UBE2E3: variants seen among roughly 807,000 people sequenced by gnomAD.
UBE2E3 encodes the protein ubiquitin conjugating enzyme E2 E3, also known as ubiquitin-conjugating enzyme E2 E3.
In UBE2E3, 5 loss-of-function variants were observed where a neutral mutation model predicts 23.6. That is an observed-to-expected ratio of 0.21 (90% CI 0.11 to 0.44). The LOEUF (loss-of-function observed/expected upper bound fraction) is 0.44, where lower values mean the gene tolerates loss of function less well. Among genes scored for constraint, UBE2E3 ranks in the 20% least tolerant of loss-of-function variants. The probability of loss-of-function intolerance (pLI) is 0.99; values close to 1 mark genes in which losing one functional copy is unlikely to be tolerated. For missense variants in UBE2E3, 81 were observed against 249.8 expected (o/e 0.32, Z 4.55); for synonymous variants, 78 against 87.5 (o/e 0.89, Z 0.60).
chr2:181,061,610 G>A (rs553455408), intron 5 of UBE2E3, among the ~76,000 whole-genome samples: 1 of 151,550 alleles, frequency 6.6e-6, no homozygotes, highest in African/African-American at 2.4e-5. Flanking sequence ...TAGCCAATGA[G>A]AATTGAACTA....
intron 3 of UBE2E3, among the ~76,000 whole-genome samples, chr2:180,985,227 A>G (rs1178857163): frequency 1.3e-5 from 2 of 152,184 alleles, no homozygotes; most frequent in African/African-American, 2.4e-5. Flanking sequence ...AACTAATTTT[A>G]AGGAGATGGT....
intron 3 of UBE2E3, among the ~76,000 whole-genome samples, chr2:181,010,571 A>G (rs1685293736): frequency 6.6e-6 from 1 of 152,222 alleles, no homozygotes; most frequent in Non-Finnish European, 1.5e-5. Flanking sequence ...TGTAAGAAAG[A>G]TGATCTGAGT....
At chr2:181,042,425 G>T (rs1686543220) in intron 3 of UBE2E3, among the ~76,000 whole-genome samples, 1 of 152,218 alleles carries the variant, frequency 6.6e-6, no homozygotes, top group South Asian at 2.1e-4. Flanking sequence ...AGTTCAAAAA[G>T]AGGGAGAAGT....
At chr2:180,997,023 TTTA>T (rs1356438558) in intron 3 of UBE2E3, among the ~76,000 whole-genome samples, 18 of 152,228 alleles carry the variant, frequency 1.2e-4, no homozygotes, top group African/African-American at 4.1e-4. Context: ...CTTTGATCTT[TTTA>T]TTATTAATGA....
At position 181,005,582 on chromosome 2, in the gene UBE2E3, A is replaced by G. The variant is rs111300220; in HGVS notation, c.245+21489A>G. On this transcript the variant is annotated intron_variant, in intron 3 of 5. Coordinates refer to ENST00000410062, the MANE Select transcript of UBE2E3 (RefSeq NM_006357.4). Reference sequence around the variant, plus strand: ...CATTATCTATTTCTCCATAGTCCTTACCTCTTCCTATTATGATGGTTCACT... The same window carrying G: ...CATTATCTATTTCTCCATAGTCCTTGCCTCTTCCTATTATGATGGTTCACT... 4.1e-3 allele frequency among the ~76,000 whole-genome samples: 631 copies of G among 152,164 alleles called. 3 individuals are homozygous for G. The highest frequency in any genetic ancestry group is 6.8e-3 in the Middle Eastern group (2 of 294).
chr2:181,060,695 A>G lies in UBE2E3; in HGVS notation c.409A>G (p.Asn137Asp). Residue 137 changes from asparagine (N) to aspartate (D), a missense_variant, in exon 5 of 6, where the codon AAC (asparagine) becomes GAC (aspartate). By Grantham distance (23) the Asn-to-Asp change is conservative. Coordinates refer to ENST00000410062, the MANE Select transcript of UBE2E3 (RefSeq NM_006357.4). ...TTTCCGCACCAGAATCTATCACTGC[A>G]ACATCAACAGTCAGGGAGTCATCTG... is the stretch of plus-strand genomic sequence containing the variant. ...VTFRTRIYHC[N>D]INSQGVICLD... is the part of the protein sequence containing the mutation. 6.2e-7 allele frequency: 1 copy of G among 1,609,162 alleles called. No individual in the cohort carries two copies.
At chr2:181,052,303 T>C (rs1249649440) in intron 3 of UBE2E3, among the ~76,000 whole-genome samples, 1 of 151,882 alleles carries the variant, frequency 6.6e-6, no homozygotes, top group Non-Finnish European at 1.5e-5. Flanking sequence ...CGTAGGTTCT[T>C]GAAGTTTCTG....
intron 3 of UBE2E3, among the ~76,000 whole-genome samples, chr2:181,017,561 C>T (rs765889986): frequency 3.3e-5 from 5 of 151,674 alleles, no homozygotes; most frequent in East Asian, 1.9e-4. Flanking sequence ...CATGGAAATG[C>T]GGTAATATGC....
chr2:181,013,071 C>G (rs1166074603), intron 3 of UBE2E3, among the ~76,000 whole-genome samples: 2 of 152,116 alleles, frequency 1.3e-5, no homozygotes, highest in African/African-American at 4.8e-5. Context: ...AAGTAATCCT[C>G]CCACCTCAGC....
intron 3 of UBE2E3, among the ~76,000 whole-genome samples, chr2:181,035,143 A>G (rs1271734536): frequency 6.6e-6 from 1 of 152,164 alleles, no homozygotes. Context: ...CAGCAAAATA[A>G]CTGTTTTGTT....
chr2:181,055,630 G>T (rs1686967511), intron 3 of UBE2E3, among the ~76,000 whole-genome samples: 1 of 151,748 alleles, frequency 6.6e-6, no homozygotes, highest in Non-Finnish European at 1.5e-5. Context: ...TCTCTGCTTA[G>T]TCTACTCCAA....
At chr2:181,058,506 A>G (rs966805976) in intron 4 of UBE2E3, among the ~76,000 whole-genome samples, 11 of 151,722 alleles carry the variant, frequency 7.3e-5, no homozygotes, top group East Asian at 5.8e-4. Flanking sequence ...TGTTTCTACA[A>G]TGGTCAAGTC....
At chr2:181,038,256 G>T (rs1329721565) in intron 3 of UBE2E3, among the ~76,000 whole-genome samples, 1 of 152,074 alleles carries the variant, frequency 6.6e-6, no homozygotes, top group Admixed American at 6.5e-5. Flanking sequence ...TTTTACAGTT[G>T]CCTACAGTAT....
chr2:181,053,462 ATTAC>A (rs574102707), intron 3 of UBE2E3, among the ~76,000 whole-genome samples: 1 of 151,866 alleles, frequency 6.6e-6, no homozygotes, highest in Non-Finnish European at 1.5e-5. Flanking sequence ...TTTATAAACC[ATTAC>A]TTACAGAAAC....
At chr2:181,009,577 A>G (rs900747500) in intron 3 of UBE2E3, among the ~76,000 whole-genome samples, 3 of 151,684 alleles carry the variant, frequency 2.0e-5, no homozygotes, top group Non-Finnish European at 2.9e-5. Context: ...ATGGTTCTCT[A>G]TATAGTTCTT....
chr2:180,994,543 G>T (rs951593503), intron 3 of UBE2E3, among the ~76,000 whole-genome samples: 1 of 152,072 alleles, frequency 6.6e-6, no homozygotes, highest in African/African-American at 2.4e-5. Context: ...CAGTAGCTCC[G>T]TAATCAGTCA....
intron 3 of UBE2E3, among the ~76,000 whole-genome samples, chr2:181,009,334 T>TA (rs1264936097): frequency 6.6e-6 from 1 of 152,142 alleles, no homozygotes; most frequent in Non-Finnish European, 1.5e-5. Context: ...TAAATTATCT[T>TA]ACCATTTTTG....
At chr2:181,002,006 A>T (rs1423201799) in intron 3 of UBE2E3, among the ~76,000 whole-genome samples, 1 of 152,180 alleles carries the variant, frequency 6.6e-6, no homozygotes, top group Non-Finnish European at 1.5e-5. Flanking sequence ...GCTGTTGCAT[A>T]TGGAGATTGA....
intron 3 of UBE2E3, among the ~76,000 whole-genome samples, chr2:181,054,678 C>G (rs1458331939): frequency 6.6e-6 from 1 of 151,792 alleles, no homozygotes; most frequent in East Asian, 1.9e-4. Context: ...AGACTGTTGC[C>G]TGCCTTGTTC....
Sources: gnomAD v4.1 joint callset for allele counts (sites outside exome capture counted in the v4.1 genomes callset) on GRCh38, gnomAD v4.1.1 for gene constraint, MANE v1.5 for transcripts, NCBI Gene and HGNC (gene_info 2026-07-23, HGNC 2026-07-21) for gene names.